Variants in BCHE observed in about 807,000 individuals in gnomAD.
BCHE encodes cholinesterase.
Under a neutral mutation model 51.3 loss-of-function variants are expected in BCHE, and 48 were observed. The observed-to-expected ratio is 0.94, with a 90% CI of 0.74 to 1.19. BCHE has a LOEUF of 1.19. Ranked by LOEUF, BCHE falls within the 50% of genes most tolerant of loss-of-function variation. The pLI, the probability that BCHE is intolerant of heterozygous loss-of-function variation, is 0.00. For missense variants in BCHE, 847 were observed against 708.2 expected (o/e 1.20, Z -2.23); for synonymous variants, 251 against 238.0 (o/e 1.05, Z -0.50).
rs138271111 is a variant in BCHE at position 165,830,140 on chromosome 3, T to C, written c.894A>G (p.Gln298=). The C allele has an allele frequency of 2.4e-5, 39 of 1,613,978 alleles. No individual in the cohort carries two copies. In the African/African-American group the frequency reaches 4.8e-4, roughly 20 times the overall value. The change falls in exon 2 of 4, where the codon CAA becomes CAG. Residue 298 remains glutamine (Q), a synonymous_variant. Coordinates refer to ENST00000264381, the MANE Select transcript of BCHE (RefSeq NM_000055.4). ...CAAATGCTTCATTCAGAAGAATTTC[T>C]TGGGGATCTTTATTTCTAAGACACT... ...IIKCLRNKDP[Q]EILLNEAFVV...
chr3:165,807,748 G>C (rs1463608710), intron 2 of BCHE, among the ~76,000 whole-genome samples: 1 of 151,258 alleles, frequency 6.6e-6, no homozygotes, highest in Non-Finnish European at 1.5e-5. Flanking sequence ...ATTTTTAGTA[G>C]AGACAGGGTC....
Position 165,833,249 on chromosome 3 carries a change from A to G in BCHE, c.-8-2208T>C, listed in dbSNP as rs186138888. On this transcript the variant is annotated intron_variant, in intron 1 of 3. Coordinates refer to ENST00000264381, the MANE Select transcript of BCHE (RefSeq NM_000055.4). ...TACTATTATATATAATTTAGGTACTATTATATAATGTATCCTTGTCATATG... is the reference window on the plus strand; with the variant it reads ...TACTATTATATATAATTTAGGTACTGTTATATAATGTATCCTTGTCATATG... Among the ~76,000 whole-genome samples, 11 of 152,246 alleles carry G rather than the reference A, an allele frequency of 7.2e-5. No individual in the cohort carries two copies. The East Asian group carries it at 1.7e-3, about 24-fold the overall frequency.
At chr3:165,817,976 T>C (rs531285504) in intron 2 of BCHE, among the ~76,000 whole-genome samples, 3 of 152,196 alleles carry the variant, frequency 2.0e-5, no homozygotes, top group East Asian at 1.9e-4. Flanking sequence ...AATCTGACCA[T>C]AATTATTTTA....
At chr3:165,803,733 G>GT (rs538813459) in intron 2 of BCHE, among the ~76,000 whole-genome samples, 321 of 151,548 alleles carry the variant, frequency 2.1e-3, no homozygotes, top group African/African-American at 6.7e-3. Context: ...ATATAATGAA[G>GT]TTTTTTTTTA....
rs181674146 is a variant in BCHE at position 165,784,541 on chromosome 3, G to A, written c.1684+1604C>T. On this transcript the variant is annotated intron_variant, in intron 3 of 3. Coordinates refer to ENST00000264381, the MANE Select transcript of BCHE (RefSeq NM_000055.4). Reference sequence around the variant, plus strand: ...GGTAGGTATTTCCATAGAGCTCAGCGTTACACAAGCTAGGAATTTGTTCAA... The same window carrying A: ...GGTAGGTATTTCCATAGAGCTCAGCATTACACAAGCTAGGAATTTGTTCAA... Among the ~76,000 whole-genome samples, 22 of 151,992 alleles carry A rather than the reference G, an allele frequency of 1.4e-4. No homozygotes were observed. In the East Asian group the frequency reaches 2.3e-3, roughly 16 times the overall value.
At chr3:165,802,046 A>G (rs1301289690) in intron 2 of BCHE, among the ~76,000 whole-genome samples, 1 of 152,160 alleles carries the variant, frequency 6.6e-6, no homozygotes, top group Non-Finnish European at 1.5e-5. Context: ...CTGTAATTTC[A>G]TTAATGTCCC....
chr3:165,787,173 C>A (rs571373855), intron 2 of BCHE, among the ~76,000 whole-genome samples: 2 of 151,608 alleles, frequency 1.3e-5, no homozygotes, highest in Non-Finnish European at 3.0e-5. Context: ...GAATAACTGT[C>A]GACTCTATCT....
chr3:165,779,589 G>A (rs74981629), intron 3 of BCHE, among the ~76,000 whole-genome samples: 1 of 152,024 alleles, frequency 6.6e-6, no homozygotes. Context: ...AAATCAATGT[G>A]CAGAAATCAC....
At position 165,773,245 on chromosome 3, in the gene BCHE, G is replaced by A; in HGVS notation, c.*137C>T. On this transcript the variant is annotated 3_prime_UTR_variant, in exon 4 of 4. Transcript: ENST00000264381. ...CTAGGTAAAATACTAAGTTAAAGAT[G>A]TGAGGAATCAATATTATCCTTCTGG... is the stretch of plus-strand genomic sequence containing the variant. The A allele has an allele frequency of 2.6e-6, 2 of 764,378 alleles. No individual in the cohort carries two copies. The highest frequency in any genetic ancestry group is 4.2e-6 in the Non-Finnish European group (2 of 481,004). The allele number at this position is 764,378 out of a possible 1,614,324, so 47.3% of individuals were successfully genotyped here.
chr3:165,791,324 T>A (rs1713156508), intron 2 of BCHE, among the ~76,000 whole-genome samples: 1 of 151,778 alleles, frequency 6.6e-6, no homozygotes, highest in Non-Finnish European at 1.5e-5. Context: ...AAGAATAAGA[T>A]CTCATTTACA....
intron 2 of BCHE, among the ~76,000 whole-genome samples, chr3:165,803,117 G>A (rs1713731703): frequency 6.6e-6 from 1 of 151,646 alleles, no homozygotes. Context: ...GGAAGATTTA[G>A]GAGGTTGGGA....
chr3:165,824,223 T>C (rs1045606276), intron 2 of BCHE, among the ~76,000 whole-genome samples: 8 of 151,736 alleles, frequency 5.3e-5, no homozygotes, highest in African/African-American at 1.9e-4. Context: ...GACACTATAT[T>C]ATGATAAAGT....
chr3:165,810,391 A>G (rs1218418220), intron 2 of BCHE, among the ~76,000 whole-genome samples: 1 of 152,202 alleles, frequency 6.6e-6, no homozygotes, highest in Non-Finnish European at 1.5e-5. Flanking sequence ...AGAAGAATGC[A>G]GATTCCCAGC....
intron 2 of BCHE, among the ~76,000 whole-genome samples, chr3:165,826,339 A>G (rs896063125): frequency 1.3e-5 from 2 of 152,128 alleles, no homozygotes; most frequent in Non-Finnish European, 2.9e-5. Context: ...CTTTACACAT[A>G]CAACACAGAT....
intron 2 of BCHE, among the ~76,000 whole-genome samples, chr3:165,793,030 A>G (rs566341225): frequency 2.7e-4 from 41 of 152,146 alleles, no homozygotes; most frequent in Non-Finnish European, 4.7e-4. Context: ...TTTTTAGTTT[A>G]ATACAGTTCC....
At chr3:165,779,759 A>G (rs1022754758) in intron 3 of BCHE, among the ~76,000 whole-genome samples, 5 of 152,138 alleles carry the variant, frequency 3.3e-5, no homozygotes, top group African/African-American at 1.2e-4. Flanking sequence ...TCAATGAACT[A>G]AGAGTACATA....
chr3:165,811,824 A>G (rs1388718964), intron 2 of BCHE, among the ~76,000 whole-genome samples: 1 of 152,046 alleles, frequency 6.6e-6, no homozygotes, highest in Non-Finnish European at 1.5e-5. Context: ...TAATCAAAAC[A>G]GTAAATTTAG....
intron 2 of BCHE, among the ~76,000 whole-genome samples, chr3:165,800,147 G>T (rs553860768): frequency 1.9e-3 from 286 of 151,396 alleles, no homozygotes; most frequent in African/African-American, 6.8e-3. Context: ...TACTTTTTTT[G>T]AATCAAAAAT....
intron 3 of BCHE, among the ~76,000 whole-genome samples, chr3:165,779,176 CTGTT>C (rs1712586383): frequency 6.6e-6 from 1 of 152,066 alleles, no homozygotes; most frequent in Non-Finnish European, 1.5e-5. Flanking sequence ...GGAAAAGAAA[CTGTT>C]TGAAAATTCT....
Sources: gnomAD v4.1 joint callset for allele counts (sites outside exome capture counted in the v4.1 genomes callset) on GRCh38, gnomAD v4.1.1 for gene constraint, MANE v1.5 for transcripts, NCBI Gene and HGNC (gene_info 2026-07-23, HGNC 2026-07-21) for gene names.